Variants in EYS observed in about 807,000 individuals in gnomAD.
The protein encoded by EYS is protein eyes shut homolog.
Under a neutral mutation model 282.1 loss-of-function variants are expected in EYS, and 250 were observed. The observed-to-expected ratio is 0.89, with a 90% CI of 0.80 to 0.98. The LOEUF is 0.98. Ranked by LOEUF, EYS falls within the 50% of genes least tolerant of loss-of-function variation. The pLI, the probability that EYS is intolerant of heterozygous loss-of-function variation, is 0.00. For missense variants in EYS, 4,016 were observed against 3,709.0 expected (o/e 1.08, Z -2.15); for synonymous variants, 1,355 against 1,282.9 (o/e 1.06, Z -1.20).
Position 63,737,884 on chromosome 6 carries a change from T to A in EYS, c.8072-11204A>T, listed in dbSNP as rs558447121. 4.0e-5 allele frequency among the ~76,000 whole-genome samples: 6 copies of A among 150,462 alleles called. No individual in the cohort carries two copies. In the South Asian group the frequency reaches 8.4e-4, roughly 21 times the overall value. ...AATCTACAATGAACTCAAACAAATT[T>A]ACAAGAAAAAAACAAACAACCCCAT... On this transcript the variant is annotated intron_variant, in intron 41 of 42. Coordinates refer to ENST00000503581, the MANE Select transcript of EYS (RefSeq NM_001142800.2).
At chr6:65,694,682 T>C (rs1172748093) in intron 1 of EYS, among the ~76,000 whole-genome samples, 2 of 148,904 alleles carry the variant, frequency 1.3e-5, no homozygotes, top group African/African-American at 4.9e-5. Flanking sequence ...TGCAAATTGA[T>C]GCACTTGTGC....
intron 22 of EYS, among the ~76,000 whole-genome samples, chr6:64,796,672 T>C (rs560048415): frequency 1.3e-5 from 2 of 152,262 alleles, no homozygotes; most frequent in African/African-American, 4.8e-5. Flanking sequence ...ACTTCCATAT[T>C]TGGTCAAGTA....
At chr6:65,014,467 A>G (rs1320909004) in intron 13 of EYS, among the ~76,000 whole-genome samples, 1 of 149,128 alleles carries the variant, frequency 6.7e-6, no homozygotes, top group African/African-American at 2.6e-5. Context: ...GTGCTATTGG[A>G]AAGCCTACTG....
At chr6:65,647,695 T>C (rs193082708) in intron 1 of EYS, among the ~76,000 whole-genome samples, 6 of 152,278 alleles carry the variant, frequency 3.9e-5, no homozygotes, top group South Asian at 4.1e-4. Flanking sequence ...CAAAAAGCTT[T>C]TGCTCAACAA....
At chr6:64,826,927 A>G (rs962470641) in intron 19 of EYS, among the ~76,000 whole-genome samples, 28 of 151,700 alleles carry the variant, frequency 1.8e-4, no homozygotes, top group South Asian at 2.1e-4. Context: ...TCCCTAGCCT[A>G]AAACCAAATT....
chr6:65,164,838 C>A (rs183797768), intron 12 of EYS, among the ~76,000 whole-genome samples: 1 of 151,146 alleles, frequency 6.6e-6, no homozygotes, highest in Non-Finnish European at 1.5e-5. Context: ...GATGTACAAC[C>A]CCAGTCTCTG....
chr6:65,384,603 T>C, intron 7 of EYS, 103 bp from the exon 8 acceptor site: 1 of 666,006 alleles, frequency 1.5e-6, no homozygotes, highest in South Asian at 1.7e-5. Context: ...TTAAATTATA[T>C]GGTATTATTA....
chr6:65,344,089 A>T lies in EYS; in HGVS notation c.1548T>A (p.Asp516Glu). Residue 516 changes from aspartate (D) to glutamate (E), a missense_variant, in exon 10 of 43, where the codon GAT (aspartate) becomes GAA (glutamate). Coordinates refer to ENST00000503581, the MANE Select transcript of EYS (RefSeq NM_001142800.2). ...NCTEDATYVN[D>E]PEDNNSSCWF... ...AACATGAAGAATTATTATCTTCAGGATCGTTCACATAGGTTGCATCTTCAG... is the reference window on the plus strand; with the variant it reads ...AACATGAAGAATTATTATCTTCAGGTTCGTTCACATAGGTTGCATCTTCAG... 1 of 1,610,660 alleles carries T rather than the reference A, an allele frequency of 6.2e-7. No individual in the cohort carries two copies. The highest frequency in any genetic ancestry group is 1.1e-5 in the South Asian group (1 of 91,006).
intron 22 of EYS, among the ~76,000 whole-genome samples, chr6:64,651,810 T>C (rs1768572662): frequency 6.6e-6 from 1 of 152,208 alleles, no homozygotes; most frequent in African/African-American, 2.4e-5. Context: ...AAAGACATAT[T>C]AGTGAACAAT....
chr6:65,339,064 G>T (rs1770099918), intron 10 of EYS, among the ~76,000 whole-genome samples: 1 of 151,156 alleles, frequency 6.6e-6, no homozygotes, highest in Non-Finnish European at 1.5e-5. Context: ...TCTAATATAT[G>T]CCCTTTATCT....
intron 35 of EYS, among the ~76,000 whole-genome samples, chr6:63,919,021 A>G (rs759033152): frequency 3.2e-4 from 49 of 152,150 alleles, no homozygotes; most frequent in Non-Finnish European, 5.3e-4. Context: ...GCTATAATAC[A>G]CTTAACTTTC....
chr6:64,515,834 T>C (rs2150522277), intron 26 of EYS, among the ~76,000 whole-genome samples: 1 of 151,864 alleles, frequency 6.6e-6, no homozygotes, highest in Non-Finnish European at 1.5e-5. Flanking sequence ...TAACTATGCT[T>C]TATGGCAATA....
At position 65,182,510 on chromosome 6, in the gene EYS, T is replaced by C. The variant is rs987696380; in HGVS notation, c.2023+113353A>G. On this transcript the variant is annotated intron_variant, in intron 12 of 42. Transcript: ENST00000503581. ...ATACTTGATGTTTAGTATTTCCACG[T>C]CACTGCATTTAGTGCATTTTCATGA... Among the ~76,000 whole-genome samples the C allele has an allele frequency of 1.2e-4, 18 of 151,774 alleles. 1 individual carries two copies. The highest frequency in any genetic ancestry group is 4.3e-4 in the African/African-American group (18 of 41,404).
Position 64,173,685 on chromosome 6 carries a change from A to C in EYS, c.6424+56907T>G, listed in dbSNP as rs183357352. ...GTGTGATACCTTAATGGGAACTTTT[A>C]CTTAAAAAGCAGGGTTCGATTAATC... On this transcript the variant is annotated intron_variant, in intron 31 of 42. Transcript: ENST00000503581. Among the ~76,000 whole-genome samples the C allele has an allele frequency of 9.9e-5, 15 of 152,276 alleles. No homozygotes were observed. The East Asian group carries it at 2.7e-3, about 27-fold the overall frequency.
At chr6:64,621,396 T>C (rs574152650) in intron 23 of EYS, among the ~76,000 whole-genome samples, 59 of 152,308 alleles carry the variant, frequency 3.9e-4, no homozygotes, top group Non-Finnish European at 5.6e-4. Flanking sequence ...AATAATTTTG[T>C]CTAACTAGTT....
At chr6:65,164,026 C>T (rs1489053917) in intron 12 of EYS, among the ~76,000 whole-genome samples, 5 of 151,290 alleles carry the variant, frequency 3.3e-5, no homozygotes, top group Non-Finnish European at 5.9e-5. Flanking sequence ...ATACAGACAG[C>T]AGCCCCTCCT....
chr6:64,310,773 AAAGAGAGAG>A (rs1769663252), intron 29 of EYS, among the ~76,000 whole-genome samples: 1 of 151,440 alleles, frequency 6.6e-6, no homozygotes, highest in South Asian at 2.1e-4. Context: ...AGGTGAAAAA[AAAGAGAGAG>A]AGAGAAAGGG....
intron 19 of EYS, among the ~76,000 whole-genome samples, chr6:64,860,007 AGC>A (rs1181032998): frequency 6.6e-6 from 1 of 152,184 alleles, no homozygotes; most frequent in East Asian, 1.9e-4. Flanking sequence ...CCAAATTTGT[AGC>A]AGTTTTCTAT....
intron 22 of EYS, among the ~76,000 whole-genome samples, chr6:64,784,324 A>G (rs556856640): frequency 6.6e-6 from 1 of 152,016 alleles, no homozygotes; most frequent in African/African-American, 2.4e-5. Flanking sequence ...TATATACTTT[A>G]TATATATGTC....
Sources: gnomAD v4.1 joint callset for allele counts (sites outside exome capture counted in the v4.1 genomes callset) on GRCh38, gnomAD v4.1.1 for gene constraint, MANE v1.5 for transcripts, NCBI Gene and HGNC (gene_info 2026-07-23, HGNC 2026-07-21) for gene names.